NDFIP1: variants seen among roughly 807,000 people sequenced by gnomAD.
NDFIP1 encodes the protein Nedd4 family interacting protein 1.
In NDFIP1, 7 loss-of-function variants were observed where a neutral mutation model predicts 28.8. The observed-to-expected ratio is 0.24, with a 90% CI of 0.14 to 0.46. NDFIP1 has a LOEUF of 0.46. Ranked by LOEUF, NDFIP1 falls within the 20% of genes least tolerant of loss-of-function variation. The pLI, the probability that NDFIP1 is intolerant of heterozygous loss-of-function variation, is 0.99. For synonymous variants in NDFIP1, 92 were observed against 101.0 expected, an observed-to-expected ratio of 0.91 and a Z score of 0.53; for missense variants, 194 against 269.1, an observed-to-expected ratio of 0.72 and a Z score of 1.95.
chr5:142,146,790 C>T (rs1757394177), intron 7 of NDFIP1, among the ~76,000 whole-genome samples: 1 of 152,094 alleles, frequency 6.6e-6, no homozygotes, highest in Non-Finnish European at 1.5e-5. Flanking sequence ...AATAGCAGCC[C>T]AGTTGACAGA....
chr5:142,121,617 A>G (rs1429151828), intron 1 of NDFIP1, among the ~76,000 whole-genome samples: 1 of 152,106 alleles, frequency 6.6e-6, no homozygotes, highest in African/African-American at 2.4e-5. Flanking sequence ...CAACTCTTCC[A>G]TGTTTAAAAT....
At chr5:142,118,289 GT>G (rs1757089969) in intron 1 of NDFIP1, among the ~76,000 whole-genome samples, 1 of 152,096 alleles carries the variant, frequency 6.6e-6, no homozygotes, top group Non-Finnish European at 1.5e-5. Context: ...GTTACATTTA[GT>G]CGTCCTGTCT....
At chr5:142,149,150 G>A (rs1757420374) in intron 7 of NDFIP1, among the ~76,000 whole-genome samples, 1 of 152,138 alleles carries the variant, frequency 6.6e-6, no homozygotes, top group African/African-American at 2.4e-5. Context: ...CTAGTGAGCT[G>A]TACCTATTAG....
chr5:142,123,980 G>C (rs1757145860), intron 1 of NDFIP1, among the ~76,000 whole-genome samples: 1 of 152,180 alleles, frequency 6.6e-6, no homozygotes. Flanking sequence ...ATATGTTCAT[G>C]AGCAGCTAGA....
chr5:142,121,837 A>G (rs1757125152), intron 1 of NDFIP1, among the ~76,000 whole-genome samples: 1 of 152,210 alleles, frequency 6.6e-6, no homozygotes, highest in African/African-American at 2.4e-5. Context: ...ATTAGCTGCT[A>G]TTTCTTCAGC....
intron 6 of NDFIP1, among the ~76,000 whole-genome samples, chr5:142,142,302 A>C (rs185431275): frequency 6.6e-6 from 1 of 152,190 alleles, no homozygotes; most frequent in African/African-American, 2.4e-5. Context: ...CTAAGGAAAG[A>C]GAAATAGTAA....
chr5:142,147,454 C>G (rs1464755589), intron 7 of NDFIP1, among the ~76,000 whole-genome samples: 2 of 152,142 alleles, frequency 1.3e-5, no homozygotes, highest in Non-Finnish European at 2.9e-5. Flanking sequence ...CTTTATTATG[C>G]TTATCACAGT....
At chr5:142,137,305 G>A (rs528581957) in intron 4 of NDFIP1, among the ~76,000 whole-genome samples, 13 of 152,018 alleles carry the variant, frequency 8.6e-5, no homozygotes, top group African/African-American at 3.1e-4. Flanking sequence ...GGACTTGCAG[G>A]TGTGCACCAC....
At chr5:142,148,666 G>A (rs1203770910) in intron 7 of NDFIP1, among the ~76,000 whole-genome samples, 4 of 146,928 alleles carry the variant, frequency 2.7e-5, no homozygotes, top group South Asian at 4.3e-4. Flanking sequence ...CAGAAGAATC[G>A]CTTGAACCCA....
At chr5:142,151,710 T>C (rs544375118) in intron 7 of NDFIP1, 21 bp from the exon 8 acceptor site, 1 of 152,770 alleles carries the variant, frequency 6.5e-6, no homozygotes, top group African/African-American at 2.4e-5. Flanking sequence ...AGTTTCAATA[T>C]TCAATATCCT....
chr5:142,133,455 T>C (rs1297291188), intron 3 of NDFIP1, among the ~76,000 whole-genome samples: 1 of 152,230 alleles, frequency 6.6e-6, no homozygotes, highest in Non-Finnish European at 1.5e-5. Flanking sequence ...ATTTTACAGA[T>C]GTGAAAATTT....
At chr5:142,130,368 A>G (rs1757214677) in intron 1 of NDFIP1, among the ~76,000 whole-genome samples, 3 of 152,324 alleles carry the variant, frequency 2.0e-5, no homozygotes, top group Admixed American at 2.0e-4. Context: ...GGGAAAAGGG[A>G]TATCTATTGA....
chr5:142,109,289 C>T (rs1756986825), intron 1 of NDFIP1, among the ~76,000 whole-genome samples: 1 of 152,218 alleles, frequency 6.6e-6, no homozygotes, highest in Admixed American at 6.5e-5. Flanking sequence ...TCCCGCATTT[C>T]CCAGGGCGGG....
Position 142,137,742 on chromosome 5 carries a change from C to G in NDFIP1, c.379C>G (p.Leu127Val). Residue 127 changes from leucine to valine, a missense_variant, in exon 5 of 8, where the codon CTC (leucine) becomes GTC (valine). Physicochemically the swap from Leu to Val is conservative, Grantham distance 32 (BLOSUM62 1). Transcript: ENST00000253814. ...IFMLTFFMAF[L>V]FNWIGFFLSF... ...CTCCTCTGCTTTTGCAGTGGCATTCCTCTTTAACTGGATTGGGTTTTTCCT... is the reference window on the plus strand; with the variant it reads ...CTCCTCTGCTTTTGCAGTGGCATTCGTCTTTAACTGGATTGGGTTTTTCCT... 6.2e-7 allele frequency: 1 copy of G among 1,613,936 alleles called. No homozygotes were observed. Among genetic ancestry groups the G allele is most frequent in the Non-Finnish European group, 8.5e-7 (1 of 1,179,906 alleles).
chr5:142,137,118 G>C (rs1757284922), intron 4 of NDFIP1, among the ~76,000 whole-genome samples: 1 of 151,462 alleles, frequency 6.6e-6, no homozygotes, highest in South Asian at 2.1e-4. Context: ...ATACAGTTTG[G>C]TGAATGTTAA....
intron 1 of NDFIP1, among the ~76,000 whole-genome samples, chr5:142,116,357 T>TCC (rs1757067932): frequency 1.9e-5 from 1 of 53,072 alleles, no homozygotes; most frequent in Non-Finnish European, 3.5e-5. Context: ...CTTCTTTCTC[T>TCC]CTCTCTCTCT....
At position 142,128,997 on chromosome 5, in the gene NDFIP1, G is replaced by A. The variant is rs569547241; in HGVS notation, c.64-2811G>A. On this transcript the variant is annotated intron_variant, in intron 1 of 7. Coordinates refer to ENST00000253814, the MANE Select transcript of NDFIP1 (RefSeq NM_030571.4). ...TAACCTCTTTGTTCTTTGGATTTCT[G>A]TATTTCTTAGAATTGTCATGCTTCC... Among the ~76,000 whole-genome samples the A allele has an allele frequency of 3.9e-5, 6 of 152,194 alleles. No individual in the cohort carries two copies. The South Asian group carries it at 1.0e-3, about 26-fold the overall frequency.
At chr5:142,141,970 C>CA (rs869042242) in intron 6 of NDFIP1, among the ~76,000 whole-genome samples, 2 of 152,024 alleles carry the variant, frequency 1.3e-5, no homozygotes, top group African/African-American at 4.8e-5. Flanking sequence ...CTCGTCTCTA[C>CA]AAAAAAATTT....
At chr5:142,135,476 T>C (rs1757264384) in intron 3 of NDFIP1, among the ~76,000 whole-genome samples, 1 of 152,148 alleles carries the variant, frequency 6.6e-6, no homozygotes, top group East Asian at 1.9e-4. Flanking sequence ...ATTTTTGAAG[T>C]GTATTGTTAA....
Sources: allele counts gnomAD v4.1 joint callset (sites outside exome capture counted in the v4.1 genomes callset), GRCh38; gene constraint gnomAD v4.1.1; transcripts MANE v1.5; gene names NCBI Gene and HGNC (gene_info 2026-07-23, HGNC 2026-07-21).